C8orf34: variants seen among roughly 807,000 people sequenced by gnomAD.
C8orf34 encodes uncharacterized protein C8orf34.
In C8orf34, 65 loss-of-function variants were observed where a neutral mutation model predicts 68.3. The observed-to-expected ratio is 0.95, with a 90% CI of 0.78 to 1.17. C8orf34 has a LOEUF of 1.17. C8orf34 is among the 50% of genes most tolerant of loss of function. The pLI, the probability that C8orf34 is intolerant of heterozygous loss-of-function variation, is 0.00. For synonymous variants in C8orf34, 244 were observed against 241.2 expected, an observed-to-expected ratio of 1.01 and a Z score of -0.11; for missense variants, 664 against 655.4, an observed-to-expected ratio of 1.01 and a Z score of -0.14.
At chr8:68,685,949 A>G (rs2130891939) in intron 8 of C8orf34, among the ~76,000 whole-genome samples, 1 of 152,050 alleles carries the variant, frequency 6.6e-6, no homozygotes, top group South Asian at 2.1e-4. Context: ...GTAAAACTAG[A>G]GACATTATAA....
At chr8:68,532,545 A>T (rs1366637695) in intron 6 of C8orf34, among the ~76,000 whole-genome samples, 1 of 152,230 alleles carries the variant, frequency 6.6e-6, no homozygotes, top group East Asian at 1.9e-4. Context: ...ACAACTATAT[A>T]CACATATGCA....
rs369681183 is a variant in C8orf34, at chr8:68,396,912, C to T, written c.328-42587C>T. ...TGCAGAACTGTGAGCCAACTGAACTCTTATAAATACCCAGCTTCATGTATT... is the reference window on the plus strand; with the variant it reads ...TGCAGAACTGTGAGCCAACTGAACTTTTATAAATACCCAGCTTCATGTATT... On this transcript the variant is annotated intron_variant, in intron 1 of 13. Transcript: ENST00000518698. Among the ~76,000 whole-genome samples, 228 of 151,992 alleles carry T rather than the reference C, an allele frequency of 1.5e-3. 1 individual carries two copies. The highest frequency in any genetic ancestry group is 4.9e-3 in the African/African-American group (202 of 41,514).
At chr8:68,534,880 A>G (rs1034581859) in intron 7 of C8orf34, 64 of 985,310 alleles carry the variant, frequency 6.5e-5, no homozygotes, top group Non-Finnish European at 7.7e-5. Flanking sequence ...CTTGGAGACT[A>G]TCTAATGATG....
chr8:68,331,053 C>T lies in C8orf34; in HGVS notation c.41C>T (p.Ala14Val). Residue 14 changes from alanine (A) to valine (V), a missense_variant, in exon 1 of 14, where the codon GCG becomes GTG. Ala to Val is a moderately conservative substitution (Grantham distance 64, BLOSUM62 0). Coordinates refer to ENST00000518698, the MANE Select transcript of C8orf34 (RefSeq NM_052958.4). ...PLASELSELA[A>V]LRPGFRLSAP... ...GCCTCGGAGTTGTCTGAGTTGGCGG[C>T]GCTGCGCCCAGGCTTCCGGCTCTCA... 6.8e-7 allele frequency: 1 copy of T among 1,478,846 alleles called. No individual in the cohort carries two copies. The highest frequency in any genetic ancestry group is 8.9e-7 in the Non-Finnish European group (1 of 1,126,274). 91.6% of individuals were successfully genotyped at this position (1,478,846 alleles called of 1,614,324 possible). A position where few individuals can be genotyped will look rare whatever the true frequency, so the allele number is the denominator to read the frequency against.
intron 5 of C8orf34, among the ~76,000 whole-genome samples, chr8:68,509,524 C>A (rs1814169355): frequency 8.0e-6 from 1 of 124,570 alleles, no homozygotes; most frequent in Non-Finnish European, 1.7e-5. Flanking sequence ...TAACTTCTCC[C>A]AGTTTGGAGG....
At chr8:68,735,079 G>A (rs72666796) in intron 10 of C8orf34, among the ~76,000 whole-genome samples, 14,626 of 152,248 alleles carry the variant, frequency 0.096, 918 homozygotes, top group Middle Eastern at 0.19. Context: ...TAGTTTTAGA[G>A]AAGGTAAGTA....
Position 68,353,026 on chromosome 8 carries a change from C to A in C8orf34, c.327+21687C>A, listed in dbSNP as rs553713434. 2.2e-4 allele frequency among the ~76,000 whole-genome samples: 33 copies of A among 152,092 alleles called. No individual in the cohort carries two copies. The South Asian group carries it at 5.0e-3, about 23-fold the overall frequency. On this transcript the variant is annotated intron_variant, in intron 1 of 13. Coordinates refer to ENST00000518698, the MANE Select transcript of C8orf34 (RefSeq NM_052958.4). The stretch of plus-strand genomic sequence containing the variant: ...ACATAATGAAGTAGATAACTGACAA[C>A]AATTCCTTATTAAATCACTTAGAAA...
At chr8:68,675,251 T>C (rs1038159321) in intron 8 of C8orf34, among the ~76,000 whole-genome samples, 22 of 152,090 alleles carry the variant, frequency 1.4e-4, no homozygotes, top group African/African-American at 5.1e-4. Flanking sequence ...TAATAGTAAG[T>C]ACACAGAAAA....
chr8:68,364,790 G>T (rs1292876629), intron 1 of C8orf34, among the ~76,000 whole-genome samples: 2 of 149,322 alleles, frequency 1.3e-5, no homozygotes, highest in African/African-American at 4.9e-5. Flanking sequence ...ACAAGAGAAA[G>T]CAGGAAAGAT....
At chr8:68,526,939 C>T (rs967396448) in intron 6 of C8orf34, among the ~76,000 whole-genome samples, 2 of 152,160 alleles carry the variant, frequency 1.3e-5, no homozygotes, top group Non-Finnish European at 2.9e-5. Context: ...GGAGGCTCCA[C>T]CTGCTCAGGC....
intron 9 of C8orf34, among the ~76,000 whole-genome samples, chr8:68,714,666 G>A (rs1821419293): frequency 6.6e-6 from 1 of 152,164 alleles, no homozygotes; most frequent in East Asian, 1.9e-4. Flanking sequence ...TCATGGATGG[G>A]TAGAATCAAT....
At chr8:68,639,040 ACT>A (rs1360803837) in intron 7 of C8orf34, among the ~76,000 whole-genome samples, 1 of 151,926 alleles carries the variant, frequency 6.6e-6, no homozygotes, top group Non-Finnish European at 1.5e-5. Flanking sequence ...AGAGTAACAG[ACT>A]CTCATGAGTG....
At chr8:68,540,149 C>A (rs910295523) in intron 7 of C8orf34, among the ~76,000 whole-genome samples, 1 of 151,436 alleles carries the variant, frequency 6.6e-6, no homozygotes, top group African/African-American at 2.4e-5. Flanking sequence ...TTTTAAATTG[C>A]TCTGAAACTA....
rs144047035 is a variant in C8orf34 at position 68,385,034 on chromosome 8, T to G, written c.327+53695T>G. ...ATATGCTTTTAATGAGTTTAAAGTC[T>G]CTTGGCTCAGTGTGGTTATATCCTT... On this transcript the variant is annotated intron_variant, in intron 1 of 13. Transcript: ENST00000518698. Among the ~76,000 whole-genome samples, 712 of 152,352 alleles carry G rather than the reference T, an allele frequency of 4.7e-3. 6 individuals carry two copies. The highest frequency in any genetic ancestry group is 0.016 in the Admixed American group (243 of 15,304).
intron 7 of C8orf34, among the ~76,000 whole-genome samples, chr8:68,586,545 CG>C (rs1563545470): frequency 6.6e-6 from 1 of 152,060 alleles, no homozygotes; most frequent in East Asian, 1.9e-4. Context: ...TAATGCAGTG[CG>C]GCTCACTGAG....
intron 7 of C8orf34, among the ~76,000 whole-genome samples, chr8:68,599,946 A>C (rs1817651147): frequency 6.6e-6 from 1 of 152,086 alleles, no homozygotes; most frequent in Admixed American, 6.6e-5. Context: ...TATAATTGAA[A>C]CAATCCACAA....
chr8:68,554,382 A>G (rs1312283818), intron 7 of C8orf34, among the ~76,000 whole-genome samples: 3 of 152,086 alleles, frequency 2.0e-5, no homozygotes, highest in Admixed American at 2.0e-4. Context: ...CAGTTTCTTT[A>G]ATTCTTTTAG....
At chr8:68,336,813 A>C (rs1805872215) in intron 1 of C8orf34, among the ~76,000 whole-genome samples, 1 of 152,152 alleles carries the variant, frequency 6.6e-6, no homozygotes, top group African/African-American at 2.4e-5. Flanking sequence ...CATATGTCAA[A>C]AAGTAAGGAA....
At chr8:68,463,156 C>A (rs1294030957) in intron 3 of C8orf34, among the ~76,000 whole-genome samples, 1 of 152,116 alleles carries the variant, frequency 6.6e-6, no homozygotes, top group African/African-American at 2.4e-5. Flanking sequence ...GAGAATGCTA[C>A]AAACACCTCT....
Sources: gnomAD v4.1 joint callset for allele counts (sites outside exome capture counted in the v4.1 genomes callset) on GRCh38, gnomAD v4.1.1 for gene constraint, MANE v1.5 for transcripts, NCBI Gene and HGNC (gene_info 2026-07-23, HGNC 2026-07-21) for gene names.